Variants in ZBTB20 observed in about 807,000 individuals in gnomAD.
ZBTB20 encodes zinc finger and BTB domain containing 20.
Under a neutral mutation model 56.9 loss-of-function variants are expected in ZBTB20, and 9 were observed. The observed-to-expected ratio is 0.16, with a 90% CI of 0.10 to 0.28. The LOEUF (loss-of-function observed/expected upper bound fraction) is 0.28, where lower values mean the gene tolerates loss of function less well. Ranked by LOEUF, ZBTB20 falls within the 10% of genes least tolerant of loss-of-function variation. The probability of loss-of-function intolerance (pLI) is 1.00; values close to 1 mark genes in which losing one functional copy is unlikely to be tolerated. For synonymous variants in ZBTB20, 417 were observed against 420.7 expected (o/e 0.99, Z 0.11); for missense variants, 655 against 1,003.0 (o/e 0.65, Z 4.69).
At chr3:114,883,284 C>T (rs608506) in intron 4 of ZBTB20, among the ~76,000 whole-genome samples, 131,866 of 152,126 alleles carry the variant, frequency 0.87, 58,182 homozygotes, top group East Asian at 0.99. Context: ...AAAATTTTGG[C>T]TCATTGAATA....
At chr3:115,032,494 G>A (rs1189255119) in intron 2 of ZBTB20, among the ~76,000 whole-genome samples, 1 of 151,258 alleles carries the variant, frequency 6.6e-6, no homozygotes, top group Non-Finnish European at 1.5e-5. Context: ...ACAGAAAATT[G>A]TAAAACTCAT....
intron 6 of ZBTB20, among the ~76,000 whole-genome samples, chr3:114,537,554 C>G (rs759847169): frequency 2.6e-5 from 4 of 152,150 alleles, no homozygotes; most frequent in Non-Finnish European, 5.9e-5. Flanking sequence ...TAAATTAGTT[C>G]AACCATTCTG....
intron 5 of ZBTB20, among the ~76,000 whole-genome samples, chr3:114,791,271 G>A (rs2070938433): frequency 6.6e-6 from 1 of 152,094 alleles, no homozygotes; most frequent in African/African-American, 2.4e-5. Context: ...CAATGATAAC[G>A]TAGACAGTAT....
At chr3:114,539,901 AC>A (rs756032384) in intron 6 of ZBTB20, among the ~76,000 whole-genome samples, 209 of 118,224 alleles carry the variant, frequency 1.8e-3, no homozygotes, top group Non-Finnish European at 3.3e-3. Flanking sequence ...CTTTCAACCC[AC>A]CTTTTTTTTT....
At chr3:115,058,591 AG>A (rs1471809737) in intron 2 of ZBTB20, among the ~76,000 whole-genome samples, 1 of 152,030 alleles carries the variant, frequency 6.6e-6, no homozygotes, top group African/African-American at 2.4e-5. Context: ...TAGCCGGGCA[AG>A]GTGGGGGTTG....
At chr3:114,425,933 A>G (rs1252537278) in intron 7 of ZBTB20, among the ~76,000 whole-genome samples, 4 of 152,234 alleles carry the variant, frequency 2.6e-5, no homozygotes, top group Non-Finnish European at 5.9e-5. Context: ...TCTCATATAG[A>G]GCCACTTATC....
intron 5 of ZBTB20, among the ~76,000 whole-genome samples, chr3:114,763,113 C>A (rs1398659336): frequency 6.6e-6 from 1 of 152,000 alleles, no homozygotes; most frequent in African/African-American, 2.4e-5. Flanking sequence ...TGACTTAATC[C>A]CAGTTTTTCT....
At chr3:114,803,134 CT>C (rs554074169) in intron 4 of ZBTB20, among the ~76,000 whole-genome samples, 156 of 142,084 alleles carry the variant, frequency 1.1e-3, no homozygotes, top group Middle Eastern at 3.5e-3. Flanking sequence ...CTTTTTCCTT[CT>C]TTTTTTTTTT....
intron 1 of ZBTB20, among the ~76,000 whole-genome samples, chr3:115,125,839 A>G (rs895250782): frequency 6.6e-6 from 1 of 152,216 alleles, no homozygotes; most frequent in South Asian, 2.1e-4. Flanking sequence ...TCAATTAAAA[A>G]TAAGTTAAAT....
chr3:114,844,233 T>A (rs1305807732), intron 4 of ZBTB20, among the ~76,000 whole-genome samples: 2 of 150,622 alleles, frequency 1.3e-5, no homozygotes, highest in African/African-American at 2.5e-5. Flanking sequence ...TCTATTTTTA[T>A]AATAGAATTC....
chr3:114,765,182 C>CA, intron 5 of ZBTB20, among the ~76,000 whole-genome samples: 2 of 152,168 alleles, frequency 1.3e-5, no homozygotes, highest in Middle Eastern at 6.8e-3. Context: ...AAGCTCTGCA[C>CA]AAAAAATAGT....
intron 7 of ZBTB20, among the ~76,000 whole-genome samples, chr3:114,428,066 A>G (rs1014800859): frequency 1.3e-5 from 2 of 152,224 alleles, no homozygotes; most frequent in Non-Finnish European, 2.9e-5. Context: ...TTTGAAATTC[A>G]AATGTAAAAA....
At chr3:114,347,078 T>C (rs1281718235) in intron 11 of ZBTB20, among the ~76,000 whole-genome samples, 1 of 472 alleles carries the variant, frequency 2.1e-3, no homozygotes, top group East Asian at 0.12. Flanking sequence ...TCTCTTCAGG[T>C]TTTTTTTTTT....
intron 5 of ZBTB20, among the ~76,000 whole-genome samples, chr3:114,764,047 A>G (rs974300624): frequency 6.6e-6 from 1 of 152,200 alleles, no homozygotes; most frequent in African/African-American, 2.4e-5. Context: ...TCAAAACCCC[A>G]GTAATGAGAA....
chr3:115,037,288 C>G (rs180839032), intron 2 of ZBTB20, among the ~76,000 whole-genome samples: 1 of 151,800 alleles, frequency 6.6e-6, no homozygotes, highest in Non-Finnish European at 1.5e-5. Context: ...TTGGGGGGGG[C>G]GGAGTGAGGA....
chr3:114,539,602 T>C (rs1456791866), intron 6 of ZBTB20, among the ~76,000 whole-genome samples: 1 of 152,120 alleles, frequency 6.6e-6, no homozygotes, highest in Non-Finnish European at 1.5e-5. Context: ...CATTGCATCG[T>C]ATCATTAGTA....
At chr3:114,401,864 T>C (rs750968577) in intron 7 of ZBTB20, among the ~76,000 whole-genome samples, 1 of 152,162 alleles carries the variant, frequency 6.6e-6, no homozygotes, top group Non-Finnish European at 1.5e-5. Flanking sequence ...GGATAGGAAG[T>C]TTAAAAGTTT....
intron 2 of ZBTB20, among the ~76,000 whole-genome samples, chr3:115,033,601 A>G (rs568085450): frequency 1.3e-5 from 2 of 151,836 alleles, no homozygotes; most frequent in South Asian, 4.1e-4. Flanking sequence ...TGTTTACAAT[A>G]GCTAAGATTT....
chr3:114,574,246 C>A (rs2053758536), intron 6 of ZBTB20, among the ~76,000 whole-genome samples: 1 of 152,096 alleles, frequency 6.6e-6, no homozygotes, highest in Non-Finnish European at 1.5e-5. Context: ...TTGTGATAAA[C>A]ACCTCTGTAC....
Sources: gnomAD v4.1 joint callset for allele counts (sites outside exome capture counted in the v4.1 genomes callset) on GRCh38, gnomAD v4.1.1 for gene constraint, MANE v1.5 for transcripts, NCBI Gene and HGNC (gene_info 2026-07-23, HGNC 2026-07-21) for gene names.